PLA2G7: variants seen among roughly 807,000 people sequenced by gnomAD.
The protein encoded by PLA2G7 is phospholipase A2 group VII, also known as platelet-activating factor acetylhydrolase.
Under a neutral mutation model 49.6 loss-of-function variants are expected in PLA2G7, and 63 were observed. The ratio of observed to expected loss-of-function variants is 1.27; its 90% CI spans 1.04 to 1.57. The LOEUF is 1.57. Ranked by LOEUF, PLA2G7 falls within the 40% of genes most tolerant of loss-of-function variation. The pLI, the probability that PLA2G7 is intolerant of heterozygous loss-of-function variation, is 0.00. For synonymous variants in PLA2G7, 193 were observed against 169.9 expected (o/e 1.14, Z -1.06); for missense variants, 596 against 521.2 (o/e 1.14, Z -1.40).
intron 1 of PLA2G7, among the ~76,000 whole-genome samples, chr6:46,728,087 C>T (rs943815776): frequency 2.6e-5 from 4 of 152,156 alleles, no homozygotes; most frequent in Non-Finnish European, 5.9e-5. Flanking sequence ...TCAGTTTCAA[C>T]TAAAGTCAAA....
At chr6:46,727,386 G>A (rs1255120761) in intron 1 of PLA2G7, among the ~76,000 whole-genome samples, 2 of 152,244 alleles carry the variant, frequency 1.3e-5, no homozygotes, top group African/African-American at 4.8e-5. Context: ...CCTGGCAAGA[G>A]ATTAGGGCAG....
At position 46,710,634 on chromosome 6, in the gene PLA2G7, A is replaced by G; in HGVS notation, c.688T>C (p.Ser230Pro). 6.2e-7 allele frequency: 1 copy of G among 1,613,054 alleles called. No homozygotes were observed. The highest frequency in any genetic ancestry group is 8.5e-7 in the Non-Finnish European group (1 of 1,179,034). ...EQVRQRAKEC[S>P]QALSLILDID... ...TCAAGAATCAGACTGAGAGCTTGGG[A>G]ACATTCTTTTGCTCTTTGCCGTACC... The change falls in exon 8 of 12, where the codon TCC (serine) becomes CCC (proline). Residue 230 changes from serine to proline, a missense_variant. By Grantham distance (74) the Ser-to-Pro change is moderately conservative. Coordinates refer to ENST00000274793, the MANE Select transcript of PLA2G7 (RefSeq NM_005084.4).
chr6:46,714,300 G>A (rs1765125479), intron 5 of PLA2G7, among the ~76,000 whole-genome samples, 160 bp downstream of exon 5: 1 of 152,158 alleles, frequency 6.6e-6, no homozygotes, highest in Non-Finnish European at 1.5e-5. Context: ...GACCAGACAG[G>A]TCTAGGACTG....
intron 2 of PLA2G7, 104 bp downstream of exon 2, chr6:46,722,679 T>TA (rs1765437767): frequency 2.7e-6 from 2 of 737,236 alleles, no homozygotes; most frequent in Admixed American, 3.9e-5. Context: ...CATAAGCCTT[T>TA]AAATAGGACT....
chr6:46,732,367 A>T (rs569132619), intron 1 of PLA2G7, among the ~76,000 whole-genome samples: 2 of 117,066 alleles, frequency 1.7e-5, no homozygotes, highest in South Asian at 6.9e-4. Flanking sequence ...CAACACACAC[A>T]TACACACACA....
intron 1 of PLA2G7, among the ~76,000 whole-genome samples, chr6:46,731,070 C>CT (rs902692368): frequency 2.0e-5 from 3 of 152,134 alleles, no homozygotes; most frequent in Non-Finnish European, 4.4e-5. Flanking sequence ...TGAGGAAGAG[C>CT]TTTTTTTCCT....
chr6:46,718,110 C>A (rs1245899149), intron 2 of PLA2G7, among the ~76,000 whole-genome samples: 2 of 152,226 alleles, frequency 1.3e-5, no homozygotes, highest in Non-Finnish European at 2.9e-5. Context: ...TATGCCCTCA[C>A]TGTCTCTTGA....
intron 1 of PLA2G7, among the ~76,000 whole-genome samples, chr6:46,727,357 C>T (rs1765606827): frequency 6.6e-6 from 1 of 152,180 alleles, no homozygotes. Flanking sequence ...ACAGATAAAC[C>T]ATCCAAGTAA....
intron 8 of PLA2G7, 122 bp downstream of exon 8, chr6:46,710,423 A>G: frequency 1.4e-6 from 1 of 707,370 alleles, no homozygotes; most frequent in Non-Finnish European, 2.6e-6. Context: ...GTGTGTGCGC[A>G]TTGGGGAGGG....
chr6:46,710,521 G>A (rs1202892050), intron 8 of PLA2G7, 24 bp downstream of exon 8: 2 of 1,393,242 alleles, frequency 1.4e-6, no homozygotes, highest in East Asian at 2.3e-5. Flanking sequence ...TAGGACAAGA[G>A]AAAAATTACT....
At chr6:46,735,677 A>G (rs1042323993), upstream of PLA2G7, 4 of 152,398 alleles carry the variant, frequency 2.6e-5, no homozygotes, top group African/African-American at 9.6e-5. Flanking sequence ...TTCACCCCCC[A>G]GTCAGGCCGG....
rs200593058 is a variant in PLA2G7, at chr6:46,716,335, G to A, written c.376+49C>T. 1.6e-4 allele frequency: 252 copies of A among 1,599,064 alleles called. 1 individual carries two copies. The highest frequency in any genetic ancestry group is 2.0e-4 in the Non-Finnish European group (234 of 1,166,564). On this transcript the variant is annotated intron_variant, in intron 4 of 11. Coordinates refer to ENST00000274793, the MANE Select transcript of PLA2G7 (RefSeq NM_005084.4). ...ACTTGAAGTTCTTGTTGTTTTCAAG[G>A]TTTTCATACATGCAAGAGCCTACAA... is the stretch of plus-strand genomic sequence containing the variant.
chr6:46,713,766 T>A (rs1335146214), intron 5 of PLA2G7, among the ~76,000 whole-genome samples: 1 of 152,196 alleles, frequency 6.6e-6, no homozygotes, highest in Non-Finnish European at 1.5e-5. Context: ...ACAGACTGCA[T>A]AGCTTACTAA....
At chr6:46,713,181 A>C (rs1765087222) in intron 5 of PLA2G7, among the ~76,000 whole-genome samples, 1 of 152,338 alleles carries the variant, frequency 6.6e-6, no homozygotes, top group Non-Finnish European at 1.5e-5. Flanking sequence ...CCACAGCTTC[A>C]TTTGCACAAC....
At chr6:46,728,872 G>A (rs138288191) in intron 1 of PLA2G7, among the ~76,000 whole-genome samples, 1 of 152,160 alleles carries the variant, frequency 6.6e-6, no homozygotes, top group African/African-American at 2.4e-5. Context: ...AAGTGGTTTA[G>A]AAATTTAGCT....
rs200338780 is a variant in PLA2G7, at chr6:46,710,636, C to T, written c.686G>A (p.Cys229Tyr). ...NEQVRQRAKE[C>Y]SQALSLILDI... ...AAGAATCAGACTGAGAGCTTGGGAACATTCTTTTGCTCTTTGCCGTACCTA... is the reference window on the plus strand; with the variant it reads ...AAGAATCAGACTGAGAGCTTGGGAATATTCTTTTGCTCTTTGCCGTACCTA... The change falls in exon 8 of 12, where the codon TGT (cysteine) becomes TAT (tyrosine). Residue 229 changes from cysteine (C) to tyrosine (Y), a missense_variant. Transcript: ENST00000274793. 1.2e-5 allele frequency: 20 copies of T among 1,612,412 alleles called. No individual in the cohort carries two copies. Among genetic ancestry groups the T allele is most frequent in the Middle Eastern group, 1.6e-4 (1 of 6,074 alleles).
intron 4 of PLA2G7, among the ~76,000 whole-genome samples, chr6:46,714,937 G>A (rs1765156428): frequency 6.6e-6 from 1 of 151,890 alleles, no homozygotes; most frequent in Admixed American, 6.6e-5. Context: ...GTTTCTCCAT[G>A]TTGGTCAGGC....
intron 6 of PLA2G7, 79 bp from the exon 7 acceptor site, chr6:46,711,698 G>A (rs1765029947): frequency 7.1e-7 from 1 of 1,412,556 alleles, no homozygotes; most frequent in African/African-American, 1.4e-5. Context: ...TTCCATCCTT[G>A]ACTCAACTTC....
chr6:46,735,682 G>A (rs1459323823), upstream of PLA2G7: 1 of 152,484 alleles, frequency 6.6e-6, no homozygotes, highest in African/African-American at 2.4e-5. Context: ...CCCCCAGTCA[G>A]GCCGGTTTTC....
Sources: gnomAD v4.1 joint callset for allele counts (sites outside exome capture counted in the v4.1 genomes callset) on GRCh38, gnomAD v4.1.1 for gene constraint, MANE v1.5 for transcripts, NCBI Gene and HGNC (gene_info 2026-07-23, HGNC 2026-07-21) for gene names.